Variants in ABCB9 observed in about 807,000 individuals in gnomAD.
ABCB9 encodes the protein ATP binding cassette subfamily B member 9, also known as ABC-type oligopeptide transporter ABCB9.
In ABCB9, 36 loss-of-function variants were observed where a neutral mutation model predicts 62.0. The observed-to-expected ratio is 0.58, with a 90% CI of 0.45 to 0.77. The LOEUF is 0.77. Among genes scored for constraint, ABCB9 ranks in the 30% least tolerant of loss-of-function variants. ABCB9 has a pLI of 0.00. For missense variants in ABCB9, 943 were observed against 1,054.7 expected, an observed-to-expected ratio of 0.89 and a Z score of 1.47; for synonymous variants, 435 against 461.4, an observed-to-expected ratio of 0.94 and a Z score of 0.73.
At position 122,944,619 on chromosome 12, in the gene ABCB9, G is replaced by A; in HGVS notation, c.1252-100C>T. The A allele has an allele frequency of 6.6e-7, 1 of 1,503,766 alleles. No individual in the cohort carries two copies. Among genetic ancestry groups the A allele is most frequent in the Non-Finnish European group, 8.9e-7 (1 of 1,119,690 alleles). 93.2% of individuals were successfully genotyped at this position (1,503,766 alleles called of 1,614,324 possible). A position where few individuals can be genotyped will look rare whatever the true frequency, so the allele number is the denominator to read the frequency against. On this transcript the variant is annotated intron_variant, in intron 6 of 11. Coordinates refer to ENST00000280560, the MANE Select transcript of ABCB9 (RefSeq NM_019625.4). This position sits in a 1 kb window ranked among gnomAD's most constrained non-coding sequence, Gnocchi z 4.9. ...CAGGCTGCAGGGGGAGGTGAGGGCA[G>A]ACCCAGCCACAAACTGAAATGCCGG... is the stretch of plus-strand genomic sequence containing the variant.
At chr12:122,950,051 G>T in intron 3 of ABCB9, 133 bp from the exon 4 acceptor site, 1 of 1,265,060 alleles carries the variant, frequency 7.9e-7, no homozygotes. Flanking sequence ...TCCCTGCGGG[G>T]TCCCCCTCAT....
intron 2 of ABCB9, among the ~76,000 whole-genome samples, chr12:122,954,854 GGTTTTTT>G (rs1341633731): frequency 2.0e-5 from 3 of 152,154 alleles, no homozygotes; most frequent in South Asian, 2.1e-4. Flanking sequence ...CCCAATGGGT[GGTTTTTT>G]GTTTTTTGTT....
At chr12:122,950,869 G>A in intron 2 of ABCB9, 1 of 312,060 alleles carries the variant, frequency 3.2e-6, no homozygotes, top group Non-Finnish European at 6.2e-6. Flanking sequence ...TTTTGAGACA[G>A]GGTCTCGCTG....
rs2035701865 is a variant in ABCB9, at chr12:122,940,540, CT to C, written c.1570-257del. 6.6e-6 allele frequency among the ~76,000 whole-genome samples: 1 copy of C among 152,188 alleles called. No individual in the cohort carries two copies. The highest frequency in any genetic ancestry group is 2.1e-4 in the South Asian group (1 of 4,830). ...GAGGTCTCACCTCAAATGTCACCTC[CT>C]CCAAGAACCCCTTCTTGACTGTTAC... On this transcript the variant is annotated intron_variant, in intron 8 of 11. Coordinates refer to ENST00000280560, the MANE Select transcript of ABCB9 (RefSeq NM_019625.4). The surrounding 1 kb of genome is among the most constrained non-coding windows in gnomAD (Gnocchi z 4.8).
upstream of ABCB9, among the ~76,000 whole-genome samples, chr12:122,969,174 ACCC>A (rs56058123): frequency 0.8 from 111,608 of 139,420 alleles, 44,643 homozygotes; most frequent in East Asian, 0.91. Context: ...CATCCTTTCC[ACCC>A]CCCCCCCCCC....
chr12:122,959,697 T>C lies in ABCB9; in HGVS notation c.539A>G (p.Tyr180Cys), dbSNP rs2036788021. ...GAGGAAGGCCACGTCGGGCTTGGTG[T>C]AGGAGAGCAGCTTCTGCAGCGTGGC... ...SGATLQKLLS[Y>C]TKPDVAFLVA... is the part of the protein sequence containing the mutation. The change falls in exon 2 of 12, where the codon TAC becomes TGC. Residue 180 changes from tyrosine (Y) to cysteine (C), a missense_variant. Transcript: ENST00000280560. This position sits in a 1 kb window ranked among gnomAD's most constrained non-coding sequence, Gnocchi z 5.4. 7 of 1,608,004 alleles carry C rather than the reference T, an allele frequency of 4.4e-6. No individual in the cohort carries two copies. Among genetic ancestry groups the C allele is most frequent in the Non-Finnish European group, 6.0e-6 (7 of 1,176,030 alleles).
Position 122,944,373 on chromosome 12 carries a change from G to A in ABCB9, c.1380+18C>T. 6.2e-7 allele frequency: 1 copy of A among 1,606,906 alleles called. No homozygotes were observed. The highest frequency in any genetic ancestry group is 8.5e-7 in the Non-Finnish European group (1 of 1,175,346). On this transcript the variant is annotated intron_variant, in intron 7 of 11. Transcript: ENST00000280560. The surrounding 1 kb of genome is among the most constrained non-coding windows in gnomAD (Gnocchi z 4.9). ...CTCCTCCCTTCTCTCTGGATCCCCGGACACACTGGCCTCTCACCTCCATAC... is the reference window on the plus strand; with the variant it reads ...CTCCTCCCTTCTCTCTGGATCCCCGAACACACTGGCCTCTCACCTCCATAC...
Position 122,947,306 on chromosome 12 carries a change from G to A in ABCB9, c.1054-1084C>T, listed in dbSNP as rs771510354. On this transcript the variant is annotated intron_variant, in intron 5 of 11. Transcript: ENST00000280560. This position sits in a 1 kb window ranked among gnomAD's most constrained non-coding sequence, Gnocchi z 6.0. The stretch of plus-strand genomic sequence containing the variant: ...TTTACTTTCTCATCTCAGTGAGGAC[G>A]GTGGGGAGGCTCGTGACCAGGAACT... Among the ~76,000 whole-genome samples the A allele has an allele frequency of 6.6e-6, 1 of 152,186 alleles. No homozygotes were observed. Among genetic ancestry groups the A allele is most frequent in the African/African-American group, 2.4e-5 (1 of 41,438 alleles).
At chr12:122,950,799 A>C in intron 2 of ABCB9, 1 of 482,070 alleles carries the variant, frequency 2.1e-6, no homozygotes, top group Non-Finnish European at 3.8e-6. Flanking sequence ...GTTCTTCTTT[A>C]TTTATAGTGG....
chr12:122,967,825 G>C (rs1410729592), upstream of ABCB9, among the ~76,000 whole-genome samples: 1 of 152,164 alleles, frequency 6.6e-6, no homozygotes, highest in East Asian at 1.9e-4. Context: ...CTCTGAATTG[G>C]AAATGTCCTC....
At chr12:122,972,635 C>T (rs922616624) in intron 1 of ABCB9, among the ~76,000 whole-genome samples, 12 of 152,108 alleles carry the variant, frequency 7.9e-5, no homozygotes, top group East Asian at 1.9e-4. Flanking sequence ...CTCAGCCTCC[C>T]GAGTAGCTGG....
chr12:122,970,794 C>T (rs2037261432), upstream of ABCB9, among the ~76,000 whole-genome samples: 1 of 152,160 alleles, frequency 6.6e-6, no homozygotes, highest in African/African-American at 2.4e-5. Flanking sequence ...TGAATGGATG[C>T]ACTGTGGTAC....
downstream of ABCB9, chr12:122,920,895 A>G (rs1007904580): frequency 1.1e-6 from 1 of 873,344 alleles, no homozygotes; most frequent in African/African-American, 1.7e-5. Flanking sequence ...CCTGGGCAAC[A>G]GAGTGAGACC....
At position 122,960,084 on chromosome 12, in the gene ABCB9, C is replaced by T. The variant is rs2036814834; in HGVS notation, c.152G>A (p.Trp51Ter). The T allele has an allele frequency of 6.2e-7, 1 of 1,613,354 alleles. No homozygotes were observed. Among genetic ancestry groups the T allele is most frequent in the Non-Finnish European group, 8.5e-7 (1 of 1,180,050 alleles). Reference protein sequence around the residue: ...FNIFDSVLDLWAACLYRSCLL... With the variant: ...FNIFDSVLDL ...GCAGCTGCGGTACAGGCAGGCTGCC[C>T]AGAGATCCAGCACCGAGTCAAAGAT... is the stretch of plus-strand genomic sequence containing the variant. The change falls in exon 2 of 12, where the codon TGG becomes TAG. Residue 51 changes from tryptophan (W) to a stop codon, truncating the protein, a stop_gained. Coordinates refer to ENST00000280560, the MANE Select transcript of ABCB9 (RefSeq NM_019625.4). LOFTEE classifies it high-confidence loss of function.
At chr12:122,941,872 G>A (rs928455358) in intron 7 of ABCB9, among the ~76,000 whole-genome samples, 3 of 151,940 alleles carry the variant, frequency 2.0e-5, no homozygotes, top group Non-Finnish European at 2.9e-5. Context: ...CCACAGGCAT[G>A]AGCCACTACT....
At chr12:122,919,119 C>T (rs568575208), downstream of ABCB9, among the ~76,000 whole-genome samples, 6 of 152,288 alleles carry the variant, frequency 3.9e-5, 1 homozygote, top group Admixed American at 1.3e-4. Flanking sequence ...GTGCATACCA[C>T]GGTTTGCAGT....
At chr12:122,935,574 C>A in intron 9 of ABCB9, 143 bp from the exon 10 acceptor site, 1 of 966,794 alleles carries the variant, frequency 1.0e-6, no homozygotes, top group South Asian at 1.8e-5. Flanking sequence ...CACTGAGCTG[C>A]CTCTCTTCTT....
chr12:122,948,453 C>T, intron 5 of ABCB9, 171 bp downstream of exon 5: 1 of 636,128 alleles, frequency 1.6e-6, no homozygotes, highest in Non-Finnish European at 2.5e-6. Context: ...TGGGACATAG[C>T]AGGTGGTCAA....
intron 2 of ABCB9, among the ~76,000 whole-genome samples, chr12:122,951,240 CTTT>C (rs369469703): frequency 1.5e-5 from 2 of 135,848 alleles, no homozygotes; most frequent in Non-Finnish European, 3.2e-5. Context: ...AAATATTTTC[CTTT>C]TTTTTTTTTT....
Sources: allele counts gnomAD v4.1 joint callset (sites outside exome capture counted in the v4.1 genomes callset), GRCh38; gene constraint gnomAD v4.1.1; non-coding constraint Gnocchi (gnomAD v3.1); transcripts MANE v1.5; gene names NCBI Gene and HGNC (gene_info 2026-07-23, HGNC 2026-07-21).